The following CDH4 variants were observed in gnomAD, a reference collection of about 807,000 sequenced individuals.
CDH4 encodes cadherin-4.
Under a neutral mutation model 86.0 loss-of-function variants are expected in CDH4, and 33 were observed. That is an observed-to-expected ratio of 0.38 (90% CI 0.29 to 0.51). CDH4 has a LOEUF of 0.51. Ranked by LOEUF, CDH4 falls within the 20% of genes least tolerant of loss-of-function variation. The probability of loss-of-function intolerance (pLI) is 0.86; values close to 1 mark genes in which losing one functional copy is unlikely to be tolerated. For missense variants in CDH4, 1,114 were observed against 1,307.4 expected, an observed-to-expected ratio of 0.85 and a Z score of 2.28; for synonymous variants, 555 against 549.4, an observed-to-expected ratio of 1.01 and a Z score of -0.14.
rs1392694828 is a variant in CDH4 at position 61,708,798 on chromosome 20, C to T, written c.170-34765C>T. 6.6e-6 allele frequency among the ~76,000 whole-genome samples: 1 copy of T among 152,208 alleles called. No individual in the cohort carries two copies. The highest frequency in any genetic ancestry group is 1.5e-5 in the Non-Finnish European group (1 of 68,050). On this transcript the variant is annotated intron_variant, in intron 2 of 15. Coordinates refer to ENST00000614565, the MANE Select transcript of CDH4 (RefSeq NM_001794.5). This position sits in a 1 kb window ranked among gnomAD's most constrained non-coding sequence, Gnocchi z 4.5. ...CATGGACGGGCATCTCCTCTGCAGG[C>T]TGTTTGTTAGAGATGAGCACAGAAA...
At chr20:61,884,420 G>T in intron 7 of CDH4, among the ~76,000 whole-genome samples, 1 of 152,240 alleles carries the variant, frequency 6.6e-6, no homozygotes, top group East Asian at 1.9e-4. Context: ...GGAGCCAGAA[G>T]TGGTGAGGGA....
chr20:61,451,645 C>T (rs1030571635), intron 2 of CDH4, among the ~76,000 whole-genome samples: 10 of 151,540 alleles, frequency 6.6e-5, no homozygotes, highest in Admixed American at 2.0e-4. Context: ...GAGCTGGGGT[C>T]GCCAAGGAAA....
intron 4 of CDH4, among the ~76,000 whole-genome samples, chr20:61,790,091 A>G (rs1979090164): frequency 6.6e-6 from 1 of 151,834 alleles, no homozygotes; most frequent in Non-Finnish European, 1.5e-5. Flanking sequence ...TCATCCATGT[A>G]TCCACACTTC....
chr20:61,740,327 T>C (rs1180460959), intron 2 of CDH4: 1 of 152,272 alleles, frequency 6.6e-6, no homozygotes, highest in East Asian at 1.9e-4. Context: ...CACACTCACT[T>C]GCCGTTTCTA....
At chr20:61,413,429 T>G (rs968080722) in intron 2 of CDH4, among the ~76,000 whole-genome samples, 2 of 152,028 alleles carry the variant, frequency 1.3e-5, no homozygotes, top group Non-Finnish European at 2.9e-5. Flanking sequence ...CTCCTCACCT[T>G]CCAAGTCAAC....
At chr20:61,624,248 G>A (rs1271365541) in intron 2 of CDH4, among the ~76,000 whole-genome samples, 2 of 152,204 alleles carry the variant, frequency 1.3e-5, no homozygotes, top group Non-Finnish European at 2.9e-5. Context: ...ACTAGCAGTC[G>A]CTAAGTGGCT....
intron 2 of CDH4, among the ~76,000 whole-genome samples, chr20:61,481,413 A>G (rs1220633281): frequency 1.3e-5 from 2 of 152,234 alleles, no homozygotes; most frequent in Non-Finnish European, 2.9e-5. Flanking sequence ...GGGCCATTGC[A>G]AATAAAATCT....
In CDH4 at chr20:61,412,206, G is replaced by C. The variant is rs139331862; in HGVS notation, c.169+157269G>C. ...GTCTAGTCTGTGCTAACAGACCAAA[G>C]TGAACTTCAGCAAACACTCTAGCAA... On this transcript the variant is annotated intron_variant, in intron 2 of 15. Transcript: ENST00000614565. 6.6e-5 allele frequency among the ~76,000 whole-genome samples: 10 copies of C among 152,288 alleles called. No individual in the cohort carries two copies. The East Asian group carries it at 1.9e-3, about 29-fold the overall frequency.
chr20:61,257,331 T>C (rs900537465), intron 2 of CDH4, among the ~76,000 whole-genome samples: 1 of 152,248 alleles, frequency 6.6e-6, no homozygotes, highest in Non-Finnish European at 1.5e-5. Context: ...GGAAGAAATG[T>C]CGTGGCATTT....
At chr20:61,809,266 ATGGGTGTG>A (rs1980306438) in intron 4 of CDH4, among the ~76,000 whole-genome samples, 1 of 151,934 alleles carries the variant, frequency 6.6e-6, no homozygotes, top group Non-Finnish European at 1.5e-5. Context: ...CGGCGGGATG[ATGGGTGTG>A]ATGTGGTCCC....
intron 2 of CDH4, among the ~76,000 whole-genome samples, chr20:61,617,949 T>G (rs2086739023): frequency 6.6e-6 from 1 of 152,180 alleles, no homozygotes; most frequent in Non-Finnish European, 1.5e-5. Context: ...TCATGAGATC[T>G]GATGGTTTTG....
chr20:61,612,235 C>G (rs1392088136), intron 2 of CDH4, among the ~76,000 whole-genome samples: 1 of 152,062 alleles, frequency 6.6e-6, no homozygotes, highest in Non-Finnish European at 1.5e-5. Flanking sequence ...TGGAAACATT[C>G]ACATTATTCT....
chr20:61,798,083 C>T (rs556365622), intron 4 of CDH4, among the ~76,000 whole-genome samples: 19 of 152,354 alleles, frequency 1.2e-4, no homozygotes, highest in Non-Finnish European at 2.5e-4. Flanking sequence ...GCTGTCACAT[C>T]CATGAGCAGT....
At chr20:61,742,749 C>T (rs987659546) in intron 2 of CDH4, among the ~76,000 whole-genome samples, 2 of 152,178 alleles carry the variant, frequency 1.3e-5, no homozygotes, top group Non-Finnish European at 2.9e-5. Flanking sequence ...ATCTGCGCCT[C>T]TGGAGGTGTC....
chr20:61,540,073 G>A (rs1377359580), intron 2 of CDH4, among the ~76,000 whole-genome samples: 4 of 152,042 alleles, frequency 2.6e-5, no homozygotes. Flanking sequence ...TGAGGGTGGA[G>A]GGGGAGCAAT....
At chr20:61,524,992 T>C (rs75953455) in intron 2 of CDH4, among the ~76,000 whole-genome samples, 3,275 of 152,280 alleles carry the variant, frequency 0.022, 121 homozygotes, top group African/African-American at 0.074. Flanking sequence ...AACATAGACC[T>C]GTGTGGGACC....
chr20:61,776,595 A>G (rs959212746), intron 4 of CDH4, among the ~76,000 whole-genome samples: 3 of 152,236 alleles, frequency 2.0e-5, no homozygotes, highest in African/African-American at 4.8e-5. Flanking sequence ...ACGTCACTGC[A>G]GAACAGGCCG....
chr20:61,563,070 T>C (rs1302209608), intron 2 of CDH4, among the ~76,000 whole-genome samples: 1 of 151,918 alleles, frequency 6.6e-6, no homozygotes, highest in Non-Finnish European at 1.5e-5. Context: ...TACACGAGGG[T>C]CCGTGGGGAG....
At chr20:61,833,992 C>T (rs934884087) in intron 4 of CDH4, among the ~76,000 whole-genome samples, 3 of 152,206 alleles carry the variant, frequency 2.0e-5, no homozygotes, top group South Asian at 2.1e-4. Flanking sequence ...ATTGGCCCAG[C>T]GTGGGTCACA....
Sources: gnomAD v4.1 joint callset for allele counts (sites outside exome capture counted in the v4.1 genomes callset) on GRCh38, gnomAD v4.1.1 for gene constraint, Gnocchi (gnomAD v3.1) non-coding constraint, MANE v1.5 for transcripts, NCBI Gene and HGNC (gene_info 2026-07-23, HGNC 2026-07-21) for gene names.